MALAT1: variants seen among roughly 807,000 people sequenced by gnomAD.
MALAT1 encodes the protein hepcarcin.
chr11:65,499,050 T>G (rs751741864), exon 3 of MALAT1: 21 of 518,028 alleles, frequency 4.1e-5, no homozygotes, highest in South Asian at 2.9e-4. Context: ...GCGGTAGGCA[T>G]TGAGGCAGCC....
chr11:65,505,191 C>T (rs113612862), intron 3 of MALAT1: 335 of 518,690 alleles, frequency 6.5e-4, no homozygotes, highest in Non-Finnish European at 1.1e-3. Context: ...TTTCAGGTAC[C>T]CCTCACTAAA....
chr11:65,498,556 C>G, intron 1 of MALAT1: 1 of 518,690 alleles, frequency 1.9e-6, no homozygotes, highest in South Asian at 1.4e-5. Context: ...AGTCGCAGGA[C>G]TGCAAGCAGT....
At chr11:65,500,670 G>T in exon 3 of MALAT1, 1 of 518,980 alleles carries the variant, frequency 1.9e-6, no homozygotes, top group Non-Finnish European at 3.8e-6. Flanking sequence ...GGCTTGGCTT[G>T]GCAACCACAC....
exon 3 of MALAT1, chr11:65,499,434 C>G (rs779426944): frequency 8.4e-6 from 4 of 476,398 alleles, no homozygotes; most frequent in East Asian, 5.9e-5. Context: ...GTGACTTAAA[C>G]AGCTTAAAGT....
In MALAT1 at chr11:65,503,903, C is replaced by G. The variant is rs1411391562; in HGVS notation, n.5166C>G. The G allele has an allele frequency of 5.8e-6, 3 of 517,076 alleles. No homozygotes were observed. The Admixed American group carries it at 5.9e-5, about 10-fold the overall frequency. 32.0% of individuals were successfully genotyped at this position (517,076 alleles called of 1,614,324 possible). A position where few individuals can be genotyped will look rare whatever the true frequency, so the allele number is the denominator to read the frequency against. ...AATAAGGAATAAATAACCTCTTAGACAGGTGGGAGATTATGATCAGAGTAA... is the reference window on the plus strand; with the variant it reads ...AATAAGGAATAAATAACCTCTTAGAGAGGTGGGAGATTATGATCAGAGTAA... On this transcript the variant is annotated splice_region_variant and non_coding_transcript_exon_variant, in exon 3 of 4. Coordinates refer to ENST00000619449, the Ensembl canonical transcript of MALAT1.
rs779050288 is a variant in MALAT1 at position 65,500,188 on chromosome 11, A to G, written n.1451A>G. 7 of 507,540 alleles carry G rather than the reference A, an allele frequency of 1.4e-5. No individual in the cohort carries two copies. In the East Asian group the frequency reaches 2.7e-4, roughly 20 times the overall value. The allele number at this position is 507,540 out of a possible 1,614,324, so 31.4% of individuals were successfully genotyped here. On this transcript the variant is annotated non_coding_transcript_exon_variant, in exon 3 of 4. Transcript: ENST00000619449. ...GCTACTAAAAGGACTGGTGTAATTT[A>G]AAAAAAACTAAGGCAGAAGGCTTTT...
rs771560877 is a variant in MALAT1 at position 65,503,580 on chromosome 11, G to C, written n.4843G>C. On this transcript the variant is annotated non_coding_transcript_exon_variant, in exon 3 of 4. Coordinates refer to ENST00000619449, the Ensembl canonical transcript of MALAT1. ...TACATGTTGTGATGTAAATTGTGTA[G>C]AAAACCATTAAATCATTCAAAATAA... The C allele has an allele frequency of 5.8e-6, 3 of 514,750 alleles. No individual in the cohort carries two copies. The East Asian group carries it at 1.6e-4, about 28-fold the overall frequency. The allele number at this position is 514,750 out of a possible 1,614,324, so 31.9% of individuals were successfully genotyped here. A position where few individuals can be genotyped will look rare whatever the true frequency, so the allele number is the denominator to read the frequency against.
intron 3 of MALAT1, chr11:65,505,104 A>C: frequency 1.9e-6 from 1 of 519,020 alleles, no homozygotes; most frequent in Non-Finnish European, 3.8e-6. Flanking sequence ...TTTATGCTGG[A>C]GTAACTGGCA....
intron 1 of MALAT1, chr11:65,498,238 C>T (rs540647260): frequency 5.8e-6 from 3 of 518,826 alleles, no homozygotes; most frequent in Middle Eastern, 3.2e-4. Flanking sequence ...CTTTAAAAGG[C>T]CACTTGAACT....
chr11:65,499,607 AT>A (rs1046907671), exon 3 of MALAT1: 1 of 450,916 alleles, frequency 2.2e-6, no homozygotes, highest in Admixed American at 2.4e-5. Context: ...AAATGGAAAG[AT>A]TAATTGGGAG....
At chr11:65,502,315 C>T (rs1303209179) in exon 3 of MALAT1, 2 of 516,436 alleles carry the variant, frequency 3.9e-6, no homozygotes, top group African/African-American at 1.9e-5. Context: ...TTTAAAACTA[C>T]TATAGAAACT....
downstream of MALAT1, chr11:65,506,433 TAACA>T (rs746726020): frequency 2.9e-6 from 1 of 344,198 alleles, no homozygotes; most frequent in Non-Finnish European, 5.7e-6. Flanking sequence ...GCTGAAAACT[TAACA>T]ATTTTGTGTA....
chr11:65,498,390 G>A (rs752815056), intron 1 of MALAT1: 2 of 518,444 alleles, frequency 3.9e-6, no homozygotes, highest in Admixed American at 1.9e-5. Context: ...GGCAGCCAAC[G>A]GCCCCCGGGG....
intron 1 of MALAT1, chr11:65,498,001 ACT>A (rs770164870): frequency 5.6e-5 from 29 of 518,498 alleles, no homozygotes; most frequent in Non-Finnish European, 1.0e-4. Flanking sequence ...AACCACTCAA[ACT>A]CTGCAGTTTG....
exon 3 of MALAT1, chr11:65,501,494 C>CTTT: frequency 3.9e-6 from 2 of 517,622 alleles, no homozygotes; most frequent in Non-Finnish European, 7.7e-6. Flanking sequence ...TGCTTAACCC[C>CTTT]TTAAACTTGT....
exon 3 of MALAT1, chr11:65,502,369 C>T (rs566979345): frequency 4.7e-5 from 24 of 509,450 alleles, no homozygotes; most frequent in South Asian, 3.0e-4. Context: ...GGGATTTCTT[C>T]TGATGGTAGC....
rs148394780 is a variant in MALAT1 at position 65,499,907 on chromosome 11, AAAAC to A, written n.1173_1176del. On this transcript the variant is annotated non_coding_transcript_exon_variant, in exon 3 of 4. Transcript: ENST00000619449. ...GTCAAGAGTTTCAGATAGAAAATGAAAAACAAGCTAAGACAAGTATTGGAGAAGT... is the reference window on the plus strand; with the variant it reads ...GTCAAGAGTTTCAGATAGAAAATGAAAAGCTAAGACAAGTATTGGAGAAGT... The A allele has an allele frequency of 7.4e-3, 3,222 of 434,892 alleles. 56 individuals are homozygous for A. The highest frequency in any genetic ancestry group is 0.031 in the African/African-American group (1,525 of 48,604). The allele number at this position is 434,892 out of a possible 1,614,324, so 26.9% of individuals were successfully genotyped here.
Position 65,497,979 on chromosome 11 carries a change from G to A in MALAT1, n.178+114G>A, listed in dbSNP as rs760041691. 1.9e-5 allele frequency: 10 copies of A among 518,844 alleles called. No individual in the cohort carries two copies. The East Asian group carries it at 5.4e-4, about 28-fold the overall frequency. 32.1% of individuals were successfully genotyped at this position (518,844 alleles called of 1,614,324 possible). On this transcript the variant is annotated intron_variant and non_coding_transcript_variant, in intron 1 of 3. Transcript: ENST00000619449. ...TATAGGCTGGCCATTCCAGGTGGTG[G>A]TATTTAGATAAAACCACTCAAACTC...
chr11:65,499,359 A>G (rs757554847), exon 3 of MALAT1: 90 of 493,756 alleles, frequency 1.8e-4, no homozygotes, highest in Non-Finnish European at 3.3e-4. Context: ...GAAAATTGAG[A>G]GAAAGGACTA....
Sources: gnomAD v4.1 joint callset for allele counts on GRCh38, gnomAD v4.1.1 for gene constraint, MANE v1.5 for transcripts, NCBI Gene and HGNC (gene_info 2026-07-23, HGNC 2026-07-21) for gene names.